ABLIM2: variants seen among roughly 807,000 people sequenced by gnomAD.
ABLIM2 encodes the protein actin-binding LIM protein 2.
ABLIM2 carries 53 observed loss-of-function variants against 97.7 expected under a neutral mutation model. That is an observed-to-expected ratio of 0.54 (90% CI 0.44 to 0.68). The LOEUF (loss-of-function observed/expected upper bound fraction) is 0.68, where lower values mean the gene tolerates loss of function less well. ABLIM2 is among the 30% of genes least tolerant of loss of function. ABLIM2 has a pLI of 0.00. For synonymous variants in ABLIM2, 361 were observed against 345.8 expected, an observed-to-expected ratio of 1.04 and a Z score of -0.49; for missense variants, 835 against 867.2, an observed-to-expected ratio of 0.96 and a Z score of 0.47.
At chr4:8,026,295 C>T (rs1777286586) in intron 12 of ABLIM2, among the ~76,000 whole-genome samples, 1 of 152,218 alleles carries the variant, frequency 6.6e-6, no homozygotes, top group Non-Finnish European at 1.5e-5. Context: ...AGCCATTGCA[C>T]CCAGGTGAAG....
intron 16 of ABLIM2, among the ~76,000 whole-genome samples, chr4:8,000,945 T>C (rs1480342440): frequency 2.6e-5 from 4 of 152,130 alleles, no homozygotes; most frequent in Non-Finnish European, 5.9e-5. Context: ...CCGGGCACCT[T>C]ATGGGCAGAG....
In ABLIM2 at chr4:8,127,621, C is replaced by T. The variant is rs553335481; in HGVS notation, c.11-20984G>A. On this transcript the variant is annotated intron_variant, in intron 1 of 20. Transcript: ENST00000447017. The surrounding 1 kb of genome is among the most constrained non-coding windows in gnomAD (Gnocchi z 7.3). ...CAGCGGGTCGGCGGCTCTCCCTCTG[C>T]GTGGCTGGGCCTGGCACCCACGGAG... 3.1e-5 allele frequency: 40 copies of T among 1,289,050 alleles called. No individual in the cohort carries two copies. The highest frequency in any genetic ancestry group is 1.8e-4 in the Admixed American group (8 of 43,490). 79.9% of individuals were successfully genotyped at this position (1,289,050 alleles called of 1,614,324 possible).
chr4:8,076,134 G>C (rs918667925), intron 6 of ABLIM2, among the ~76,000 whole-genome samples: 11 of 152,200 alleles, frequency 7.2e-5, no homozygotes, highest in Non-Finnish European at 1.3e-4. Flanking sequence ...CAGCCCCCTG[G>C]AGTCTGCAGC....
rs201236422 is a variant in ABLIM2, at chr4:8,044,693, A to C, written c.900+471T>G. ...AGTCTCTCTCTCTCTCTCTCTCTCG[A>C]ACGAACGAAAACGGGATCACATAAT... is the stretch of plus-strand genomic sequence containing the variant. On this transcript the variant is annotated intron_variant, in intron 9 of 20. Coordinates refer to ENST00000447017, the MANE Select transcript of ABLIM2 (RefSeq NM_001130083.2). The surrounding 1 kb of genome is among the most constrained non-coding windows in gnomAD (Gnocchi z 4.4). 0.74 allele frequency among the ~76,000 whole-genome samples: 108,432 copies of C among 147,310 alleles called. 39,407 individuals carry two copies. The highest frequency in any genetic ancestry group is 0.83 in the African/African-American group (32,654 of 39,178).
chr4:8,030,895 C>T (rs540466041), intron 10 of ABLIM2, among the ~76,000 whole-genome samples: 3 of 152,222 alleles, frequency 2.0e-5, no homozygotes, highest in Non-Finnish European at 4.4e-5. Flanking sequence ...GCTGCTGGCT[C>T]TGCAGGTGGG....
intron 19 of ABLIM2, 64 bp from the exon 20 acceptor site, chr4:7,983,408 G>C (rs1284574108): frequency 6.3e-7 from 1 of 1,583,508 alleles, no homozygotes; most frequent in Admixed American, 1.8e-5. Flanking sequence ...CCAAAGAACT[G>C]AGCAGAAGGT....
chr4:8,142,311 G>A (rs1314502376), intron 1 of ABLIM2, among the ~76,000 whole-genome samples: 2 of 152,080 alleles, frequency 1.3e-5, no homozygotes, highest in Non-Finnish European at 1.5e-5. Flanking sequence ...CGCACTGCCC[G>A]AGGGCATGGA....
chr4:8,101,064 AGG>A (rs1196943612), intron 2 of ABLIM2, among the ~76,000 whole-genome samples: 9 of 152,362 alleles, frequency 5.9e-5, no homozygotes, highest in Middle Eastern at 3.4e-3. Flanking sequence ...GGACCACCCA[AGG>A]TGCTGTCCAC....
chr4:8,021,950 G>A lies in ABLIM2; in HGVS notation c.1268-1647C>T, dbSNP rs1338137437. 1.3e-5 allele frequency among the ~76,000 whole-genome samples: 2 copies of A among 152,124 alleles called. No homozygotes were observed. Among genetic ancestry groups the A allele is most frequent in the African/African-American group, 4.8e-5 (2 of 41,406 alleles). On this transcript the variant is annotated intron_variant, in intron 12 of 20. Coordinates refer to ENST00000447017, the MANE Select transcript of ABLIM2 (RefSeq NM_001130083.2). This position sits in a 1 kb window ranked among gnomAD's most constrained non-coding sequence, Gnocchi z 5.5. ...CTTGCTGGCCGTGGCACCCTTGCTG[G>A]TCAGGTCACGCTCGTCAGGATGCTC...
Position 8,032,540 on chromosome 4 carries a change from G to T in ABLIM2, c.1048-2764C>A. On this transcript the variant is annotated intron_variant, in intron 10 of 20. Transcript: ENST00000447017. This position sits in a 1 kb window ranked among gnomAD's most constrained non-coding sequence, Gnocchi z 4.3. ...GGGCCGTGGCCCCGGGCCCCATGGTGAAGAGCCACCGAGGAGGCCCTTCCC... is the reference window on the plus strand; with the variant it reads ...GGGCCGTGGCCCCGGGCCCCATGGTTAAGAGCCACCGAGGAGGCCCTTCCC... 2.1e-6 allele frequency: 3 copies of T among 1,443,712 alleles called. No homozygotes were observed. The highest frequency in any genetic ancestry group is 1.2e-5 in the South Asian group (1 of 85,000). 89.4% of individuals were successfully genotyped at this position (1,443,712 alleles called of 1,614,324 possible).
Position 8,075,974 on chromosome 4 carries a change from A to C in ABLIM2, c.675+1654T>G, listed in dbSNP as rs1046329878. On this transcript the variant is annotated intron_variant, in intron 6 of 20. Coordinates refer to ENST00000447017, the MANE Select transcript of ABLIM2 (RefSeq NM_001130083.2). This position sits in a 1 kb window ranked among gnomAD's most constrained non-coding sequence, Gnocchi z 4.4. ...AGAAAGTTAGGCTAACTATGATTGCATAGTCAGTGGTTTTATTTTCTTCTT... is the reference window on the plus strand; with the variant it reads ...AGAAAGTTAGGCTAACTATGATTGCCTAGTCAGTGGTTTTATTTTCTTCTT... 6.6e-6 allele frequency among the ~76,000 whole-genome samples: 1 copy of C among 152,236 alleles called. No individual in the cohort carries two copies. Among genetic ancestry groups the C allele is most frequent in the Non-Finnish European group, 1.5e-5 (1 of 68,048 alleles).
intron 7 of ABLIM2, among the ~76,000 whole-genome samples, 177 bp downstream of exon 7, chr4:8,060,790 C>T (rs1422740807): frequency 2.0e-5 from 3 of 152,172 alleles, no homozygotes; most frequent in South Asian, 2.1e-4. Context: ...GGCAGGCTGA[C>T]GAGGCTGGCC....
intron 11 of ABLIM2, among the ~76,000 whole-genome samples, chr4:8,028,185 G>C (rs1778648997): frequency 6.6e-6 from 1 of 152,248 alleles, no homozygotes; most frequent in African/African-American, 2.4e-5. Flanking sequence ...CTGGAGAGCA[G>C]TTCAGGGAGT....
intron 10 of ABLIM2, among the ~76,000 whole-genome samples, chr4:8,031,979 G>A (rs1251544252): frequency 5.3e-5 from 8 of 151,872 alleles, no homozygotes; most frequent in African/African-American, 1.2e-4. Context: ...CGCCCACCTC[G>A]GCCTCCCAAA....
Position 8,011,197 on chromosome 4 carries a change from A to ACAC in ABLIM2, c.1424-2098_1424-2096dup, listed in dbSNP as rs145149975. On this transcript the variant is annotated intron_variant, in intron 14 of 20. Coordinates refer to ENST00000447017, the MANE Select transcript of ABLIM2 (RefSeq NM_001130083.2). ...TTGGCCATGGAAGATGGGTTGACTG[A>ACAC]CACATTCTGGCTGAAAAGCCATCTC... Among the ~76,000 whole-genome samples, 522 of 152,342 alleles carry ACAC rather than the reference A, an allele frequency of 3.4e-3. 7 individuals carry two copies. The highest frequency in any genetic ancestry group is 0.012 in the African/African-American group (495 of 41,574).
In ABLIM2 at chr4:8,112,235, C is replaced by A. The variant is rs1167279210; in HGVS notation, c.11-5598G>T. 6.6e-6 allele frequency among the ~76,000 whole-genome samples: 1 copy of A among 152,216 alleles called. No individual in the cohort carries two copies. Among genetic ancestry groups the A allele is most frequent in the South Asian group, 2.1e-4 (1 of 4,834 alleles). ...CTCTCAGGAAATCCCCCTGCCTCCCCCTCCAGGCTGAACTCCTGGTCTGCC... is the reference window on the plus strand; with the variant it reads ...CTCTCAGGAAATCCCCCTGCCTCCCACTCCAGGCTGAACTCCTGGTCTGCC... On this transcript the variant is annotated intron_variant, in intron 1 of 20. Transcript: ENST00000447017. The surrounding 1 kb of genome is among the most constrained non-coding windows in gnomAD (Gnocchi z 4.2).
chr4:8,008,616 C>G (rs1055224606), intron 15 of ABLIM2, among the ~76,000 whole-genome samples: 5 of 152,208 alleles, frequency 3.3e-5, no homozygotes, highest in Non-Finnish European at 7.3e-5. Flanking sequence ...TGTTGGAACA[C>G]GGAGATGCCT....
chr4:7,992,501 A>C lies in ABLIM2; in HGVS notation c.1680+365T>G, dbSNP rs556139632. 6.6e-6 allele frequency among the ~76,000 whole-genome samples: 1 copy of C among 152,052 alleles called. No individual in the cohort carries two copies. Among genetic ancestry groups the C allele is most frequent in the Admixed American group, 6.5e-5 (1 of 15,284 alleles). On this transcript the variant is annotated intron_variant, in intron 17 of 20. Coordinates refer to ENST00000447017, the MANE Select transcript of ABLIM2 (RefSeq NM_001130083.2). This position sits in a 1 kb window ranked among gnomAD's most constrained non-coding sequence, Gnocchi z 5.7. Reference sequence around the variant, plus strand: ...TGGCTCACACTGGCTCACCAAATGCAACAGCCCTTGGTTATCAGGCTCTGT... The same window carrying C: ...TGGCTCACACTGGCTCACCAAATGCCACAGCCCTTGGTTATCAGGCTCTGT...
intron 20 of ABLIM2, among the ~76,000 whole-genome samples, chr4:7,974,161 A>G (rs1730632782): frequency 6.6e-6 from 1 of 152,156 alleles, no homozygotes; most frequent in African/African-American, 2.4e-5. Context: ...GGCTGTGGCT[A>G]TCTGTCTGTC....
Sources: gnomAD v4.1 joint callset for allele counts (sites outside exome capture counted in the v4.1 genomes callset) on GRCh38, gnomAD v4.1.1 for gene constraint, Gnocchi (gnomAD v3.1) non-coding constraint, MANE v1.5 for transcripts, NCBI Gene and HGNC (gene_info 2026-07-23, HGNC 2026-07-21) for gene names.